ZFPM2: variants seen among roughly 807,000 people sequenced by gnomAD.
ZFPM2 encodes zinc finger protein, FOG family member 2.
Under a neutral mutation model 98.6 loss-of-function variants are expected in ZFPM2, and 20 were observed. The ratio of observed to expected loss-of-function variants is 0.20; its 90% CI spans 0.14 to 0.29. ZFPM2 has a LOEUF of 0.29. ZFPM2 is among the 10% of genes least tolerant of loss of function. The pLI, the probability that ZFPM2 is intolerant of heterozygous loss-of-function variation, is 1.00. For missense variants in ZFPM2, 1,310 were observed against 1,388.6 expected, an observed-to-expected ratio of 0.94 and a Z score of 0.90; for synonymous variants, 518 against 502.7, an observed-to-expected ratio of 1.03 and a Z score of -0.41.
intron 3 of ZFPM2, among the ~76,000 whole-genome samples, 185 bp from the exon 4 acceptor site, chr8:105,561,178 C>T (rs1217305619): frequency 6.6e-6 from 1 of 152,068 alleles, no homozygotes; most frequent in Non-Finnish European, 1.5e-5. Flanking sequence ...AATTTGAATA[C>T]AATTTATAAG....
chr8:105,631,961 G>A lies in ZFPM2; in HGVS notation c.421-2285G>A, dbSNP rs566470358. On this transcript the variant is annotated intron_variant, in intron 4 of 7. Coordinates refer to ENST00000407775, the MANE Select transcript of ZFPM2 (RefSeq NM_012082.4). ...AAATAATTTAAAATAATTATTTTTC[G>A]TGAAATAAGATAATCTGGGAAAAAT... Among the ~76,000 whole-genome samples the A allele has an allele frequency of 1.8e-4, 28 of 152,034 alleles. No homozygotes were observed. In the South Asian group the frequency reaches 3.1e-3, roughly 17 times the overall value.
chr8:105,750,164 T>C (rs1812443717), intron 5 of ZFPM2, among the ~76,000 whole-genome samples: 1 of 152,200 alleles, frequency 6.6e-6, no homozygotes, highest in Middle Eastern at 3.4e-3. Context: ...CTGAATTACC[T>C]ACATTTTACA....
rs1554605000 is a variant in ZFPM2, at chr8:105,441,482, G to GAAAGAAAGGAAGAAAA, written c.200-2790_200-2789insGAAGAAAAAAAGAAAG. On this transcript the variant is annotated intron_variant, in intron 2 of 7. Coordinates refer to ENST00000407775, the MANE Select transcript of ZFPM2 (RefSeq NM_012082.4). ...AGAAAGAAAGAAAGAAAGAAAGAAA[G>GAAAGAAAGGAAGAAAA]AAAGAAAGAAAGAAAGAAATCAAAG... Among the ~76,000 whole-genome samples, 7 of 85,404 alleles carry GAAAGAAAGGAAGAAAA rather than the reference G, an allele frequency of 8.2e-5. 2 individuals carry two copies. The highest frequency in any genetic ancestry group is 2.3e-4 in the African/African-American group (3 of 12,828). 56.0% of individuals were successfully genotyped at this position (85,404 alleles called of 152,430 possible).
rs903857145 is a variant in ZFPM2, at chr8:105,803,594, G to A, written c.*56G>A. 7.3e-6 allele frequency: 11 copies of A among 1,506,570 alleles called. No homozygotes were observed. Among genetic ancestry groups the A allele is most frequent in the Non-Finnish European group, 9.9e-6 (11 of 1,111,502 alleles). The allele number at this position is 1,506,570 out of a possible 1,614,324, so 93.3% of individuals were successfully genotyped here. A position where few individuals can be genotyped will look rare whatever the true frequency, so the allele number is the denominator to read the frequency against. Reference sequence around the variant, plus strand: ...AGTGTTTAGTATGTTGTTCTAACCAGTCCAGAAAAAAAAATAAGCTGTTTG... The same window carrying A: ...AGTGTTTAGTATGTTGTTCTAACCAATCCAGAAAAAAAAATAAGCTGTTTG... On this transcript the variant is annotated 3_prime_UTR_variant, in exon 8 of 8. Coordinates refer to ENST00000407775, the MANE Select transcript of ZFPM2 (RefSeq NM_012082.4).
At chr8:105,372,244 G>A (rs1424171760) in intron 1 of ZFPM2, among the ~76,000 whole-genome samples, 5 of 151,698 alleles carry the variant, frequency 3.3e-5, no homozygotes, top group African/African-American at 9.7e-5. Context: ...GGGTTTCACC[G>A]TGTTAGCCAG....
chr8:105,639,777 G>T (rs1424217392), intron 5 of ZFPM2, among the ~76,000 whole-genome samples: 1 of 151,950 alleles, frequency 6.6e-6, no homozygotes, highest in Non-Finnish European at 1.5e-5. Context: ...AGCATATAGT[G>T]ATATCGTATT....
intron 3 of ZFPM2, among the ~76,000 whole-genome samples, chr8:105,542,068 C>G (rs1814585718): frequency 6.6e-6 from 1 of 151,916 alleles, no homozygotes; most frequent in African/African-American, 2.4e-5. Context: ...GAAATAAAAC[C>G]AGAATCCAAA....
At chr8:105,449,106 G>A (rs1236895154) in intron 3 of ZFPM2, among the ~76,000 whole-genome samples, 1 of 151,946 alleles carries the variant, frequency 6.6e-6, no homozygotes, top group Non-Finnish European at 1.5e-5. Flanking sequence ...TCAACTTTCA[G>A]TATGCTAATT....
At chr8:105,617,414 A>G (rs1222158487) in intron 4 of ZFPM2, among the ~76,000 whole-genome samples, 1 of 152,148 alleles carries the variant, frequency 6.6e-6, no homozygotes, top group Non-Finnish European at 1.5e-5. Flanking sequence ...AATCTGAGGA[A>G]CATACTAATT....
chr8:105,764,166 T>C (rs1489148195), intron 5 of ZFPM2, among the ~76,000 whole-genome samples: 10 of 151,818 alleles, frequency 6.6e-5, no homozygotes, highest in African/African-American at 9.6e-5. Flanking sequence ...ACCCAGGGAA[T>C]AGATAGAAGT....
intron 1 of ZFPM2, among the ~76,000 whole-genome samples, chr8:105,411,424 C>A (rs890606191): frequency 1.3e-5 from 2 of 151,752 alleles, no homozygotes; most frequent in African/African-American, 4.8e-5. Context: ...TTGTTGTTAT[C>A]TCAGTGCTTG....
intron 5 of ZFPM2, among the ~76,000 whole-genome samples, chr8:105,705,997 G>A (rs558060734): frequency 4.6e-5 from 7 of 152,072 alleles, no homozygotes; most frequent in African/African-American, 1.7e-4. Context: ...TGCACCATAC[G>A]ATTTATATAT....
chr8:105,607,128 G>A (rs1481689109), intron 4 of ZFPM2, among the ~76,000 whole-genome samples: 2 of 151,904 alleles, frequency 1.3e-5, no homozygotes, highest in African/African-American at 2.4e-5. Context: ...TCTCCTCTTC[G>A]GCCATTCCTT....
chr8:105,781,004 C>T (rs2131111647), intron 5 of ZFPM2, among the ~76,000 whole-genome samples: 1 of 152,216 alleles, frequency 6.6e-6, no homozygotes, highest in East Asian at 1.9e-4. Context: ...GTTCATAGAG[C>T]TTAACTCTTT....
At chr8:105,791,389 C>T (rs534898290) in intron 6 of ZFPM2, among the ~76,000 whole-genome samples, 5 of 152,294 alleles carry the variant, frequency 3.3e-5, no homozygotes, top group African/African-American at 7.2e-5. Context: ...TGCTGGATTA[C>T]ATTTACTGAT....
intron 3 of ZFPM2, among the ~76,000 whole-genome samples, chr8:105,516,872 T>C (rs1370327258): frequency 6.6e-6 from 1 of 152,282 alleles, no homozygotes; most frequent in African/African-American, 2.4e-5. Flanking sequence ...ATCCTCACTT[T>C]CCAGGAAAAG....
At chr8:105,484,987 A>G (rs1048156630) in intron 3 of ZFPM2, among the ~76,000 whole-genome samples, 2 of 152,220 alleles carry the variant, frequency 1.3e-5, no homozygotes, top group African/African-American at 4.8e-5. Context: ...AAGACAGACT[A>G]GTGGGCCAAT....
chr8:105,691,933 G>T (rs573679740), intron 5 of ZFPM2, among the ~76,000 whole-genome samples: 1 of 152,276 alleles, frequency 6.6e-6, no homozygotes, highest in East Asian at 1.9e-4. Flanking sequence ...AATACAAATT[G>T]TAATTCTACT....
intron 3 of ZFPM2, among the ~76,000 whole-genome samples, chr8:105,536,345 A>G (rs1208611686): frequency 5.3e-5 from 8 of 152,088 alleles, no homozygotes; most frequent in Non-Finnish European, 1.2e-4. Flanking sequence ...ATATTAAGGA[A>G]AAGAGACTCG....
Sources: gnomAD v4.1 joint callset for allele counts (sites outside exome capture counted in the v4.1 genomes callset) on GRCh38, gnomAD v4.1.1 for gene constraint, MANE v1.5 for transcripts, NCBI Gene and HGNC (gene_info 2026-07-23, HGNC 2026-07-21) for gene names.